The following PARL variants were observed in gnomAD, a reference collection of about 807,000 sequenced individuals.
PARL encodes the protein presenilin associated rhomboid like.
A neutral mutation model predicts 51.6 loss-of-function variants in PARL; 44 were observed. That is an observed-to-expected ratio of 0.85 (90% confidence interval 0.67 to 1.10). PARL has a LOEUF of 1.10. Ranked by LOEUF, PARL falls within the 50% of genes least tolerant of loss-of-function variation. The pLI, the probability that PARL is intolerant of heterozygous loss-of-function variation, is 0.00. For missense variants in PARL, 441 were observed against 469.5 expected, an observed-to-expected ratio of 0.94 and a Z score of 0.56; for synonymous variants, 172 against 164.0, an observed-to-expected ratio of 1.05 and a Z score of -0.37.
Position 183,877,804 on chromosome 3 carries a change from CTTTT to C in PARL, c.125+6914_125+6917del, listed in dbSNP as rs35496459. 5.2e-4 allele frequency among the ~76,000 whole-genome samples: 76 copies of C among 146,904 alleles called. 1 individual carries two copies. The South Asian group carries it at 0.015, about 29-fold the overall frequency. On this transcript the variant is annotated intron_variant, in intron 1 of 9. Transcript: ENST00000317096. ...ACTGGCTTAAAACCATAATTTATTA[CTTTT>C]TTTTTTTTTTGAGACAGTGTCACCC...
chr3:183,834,076 C>A (rs530240655), intron 7 of PARL, among the ~76,000 whole-genome samples: 10 of 152,286 alleles, frequency 6.6e-5, no homozygotes, highest in African/African-American at 2.4e-4. Flanking sequence ...GCCTCATGAA[C>A]CGCAAGGACA....
intron 4 of PARL, among the ~76,000 whole-genome samples, chr3:183,856,002 A>C (rs1307314962): frequency 6.6e-6 from 1 of 151,542 alleles, no homozygotes; most frequent in Non-Finnish European, 1.5e-5. Flanking sequence ...CCCCACAAAC[A>C]AAGTTTCACT....
intron 7 of PARL, among the ~76,000 whole-genome samples, chr3:183,835,905 T>TA (rs1375794530): frequency 6.6e-6 from 1 of 151,826 alleles, no homozygotes; most frequent in Non-Finnish European, 1.5e-5. Flanking sequence ...GATTAGTTGA[T>TA]ATGAAAGAGC....
intron 2 of PARL, 149 bp from the exon 3 acceptor site, chr3:183,866,914 CT>C (rs59742348): frequency 1.2e-3 from 721 of 579,350 alleles, no homozygotes; most frequent in Middle Eastern, 2.2e-3. Context: ...GTGAAAAGGG[CT>C]TTTTTTTTTC....
intron 4 of PARL, among the ~76,000 whole-genome samples, chr3:183,861,896 C>T (rs926381520): frequency 6.6e-6 from 1 of 152,202 alleles, no homozygotes; most frequent in Non-Finnish European, 1.5e-5. Context: ...GCTTCAGCCT[C>T]CCAAGTAGCT....
chr3:183,839,261 C>T (rs1235783055), intron 7 of PARL, among the ~76,000 whole-genome samples: 1 of 152,016 alleles, frequency 6.6e-6, no homozygotes, highest in Non-Finnish European at 1.5e-5. Context: ...TTTAGAGTTC[C>T]TTTAAATAGG....
intron 7 of PARL, among the ~76,000 whole-genome samples, chr3:183,837,805 T>C (rs1467413977): frequency 6.6e-6 from 1 of 151,958 alleles, no homozygotes; most frequent in African/African-American, 2.4e-5. Context: ...CAGAAAAATC[T>C]CAACTTGAAT....
rs1734958626 is a variant in PARL, at chr3:183,884,825, G to A, written c.22C>T (p.Gln8Ter). MAWRGWAQRGWGCGQAWG... is the reference protein window; with the variant it reads MAWRGWA ...GCCTGGCCGCAGCCCCAGCCTCTCTGCGCCCAGCCTCGCCACGCCATCTTC... is the reference window on the plus strand; with the variant it reads ...GCCTGGCCGCAGCCCCAGCCTCTCTACGCCCAGCCTCGCCACGCCATCTTC... Residue 8 changes from glutamine to a stop codon, truncating the protein, a stop_gained, in exon 1 of 10, where the codon CAG becomes TAG. Coordinates refer to ENST00000317096, the MANE Select transcript of PARL (RefSeq NM_018622.7). LOFTEE classifies it high-confidence loss of function. 1 of 1,597,238 alleles carries A rather than the reference G, an allele frequency of 6.3e-7. No individual in the cohort carries two copies. The highest frequency in any genetic ancestry group is 1.3e-5 in the African/African-American group (1 of 74,810).
chr3:183,870,821 G>C (rs936428876), intron 1 of PARL, among the ~76,000 whole-genome samples: 1 of 151,946 alleles, frequency 6.6e-6, no homozygotes, highest in Non-Finnish European at 1.5e-5. Flanking sequence ...CCTATGATCT[G>C]TTTTGCTCTC....
intron 5 of PARL, among the ~76,000 whole-genome samples, chr3:183,843,957 T>C (rs1729645854): frequency 6.6e-6 from 1 of 152,126 alleles, no homozygotes; most frequent in Non-Finnish European, 1.5e-5. Context: ...GAGAATCACT[T>C]GAACCTGGGA....
intron 1 of PARL, among the ~76,000 whole-genome samples, chr3:183,880,117 T>C (rs1365324852): frequency 6.6e-6 from 1 of 152,182 alleles, no homozygotes; most frequent in East Asian, 1.9e-4. Context: ...TTCACAGGTT[T>C]AGGTTATTCA....
At chr3:183,869,272 T>C (rs1244896725) in intron 1 of PARL, among the ~76,000 whole-genome samples, 1 of 148,954 alleles carries the variant, frequency 6.7e-6, no homozygotes, top group Non-Finnish European at 1.5e-5. Context: ...AATGACATAA[T>C]CTTGGCTCAC....
intron 1 of PARL, among the ~76,000 whole-genome samples, chr3:183,880,994 T>C (rs545974610): frequency 1.3e-5 from 2 of 152,084 alleles, no homozygotes; most frequent in East Asian, 3.9e-4. Context: ...TTTTTACTTT[T>C]TGTAGAGACA....
chr3:183,831,612 T>G (rs181268132), intron 9 of PARL, among the ~76,000 whole-genome samples: 2 of 152,362 alleles, frequency 1.3e-5, no homozygotes, highest in East Asian at 3.9e-4. Context: ...TTCAGCGTAT[T>G]AATATGTTAG....
intron 4 of PARL, among the ~76,000 whole-genome samples, chr3:183,855,779 G>A (rs1731074480): frequency 6.6e-6 from 1 of 151,808 alleles, no homozygotes; most frequent in South Asian, 2.1e-4. Flanking sequence ...GGCCAACATG[G>A]CAAAACCCTG....
intron 1 of PARL, chr3:183,879,630 G>T: frequency 2.1e-6 from 1 of 483,112 alleles, no homozygotes; most frequent in Non-Finnish European, 2.7e-6. Context: ...GTTTTCTATT[G>T]GAATAAGGAT....
chr3:183,880,568 A>G (rs1192562434), intron 1 of PARL, among the ~76,000 whole-genome samples: 2 of 151,660 alleles, frequency 1.3e-5, no homozygotes, highest in African/African-American at 2.4e-5. Context: ...CACCTGGCTA[A>G]TTTTTGTGTT....
intron 1 of PARL, among the ~76,000 whole-genome samples, chr3:183,877,378 C>A (rs1733969061): frequency 6.6e-6 from 1 of 152,220 alleles, no homozygotes; most frequent in African/African-American, 2.4e-5. Flanking sequence ...GGTGAAGACA[C>A]TGTGGACACT....
At chr3:183,840,851 G>A (rs1729229142) in intron 6 of PARL, among the ~76,000 whole-genome samples, 1 of 152,006 alleles carries the variant, frequency 6.6e-6, no homozygotes, top group Non-Finnish European at 1.5e-5. Context: ...TGGGATTACA[G>A]GCGTGCGGCA....
Sources: allele counts gnomAD v4.1 joint callset (sites outside exome capture counted in the v4.1 genomes callset), GRCh38; gene constraint gnomAD v4.1.1; transcripts MANE v1.5; gene names NCBI Gene and HGNC (gene_info 2026-07-23, HGNC 2026-07-21).